The following GALNT17 variants were observed in gnomAD, a reference collection of about 807,000 sequenced individuals.
GALNT17 encodes the protein UDP-GalNAc:polypeptide N-acetylgalactosaminyltransferase-like 3.
Under a neutral mutation model 63.7 loss-of-function variants are expected in GALNT17, and 29 were observed. The ratio of observed to expected loss-of-function variants is 0.46; its 90% confidence interval spans 0.34 to 0.62. GALNT17 has a LOEUF of 0.62. GALNT17 is among the 20% of genes least tolerant of loss of function. GALNT17 has a pLI of 0.01. For missense variants in GALNT17, 603 were observed against 799.6 expected (o/e 0.75, Z 2.97); for synonymous variants, 305 against 318.3 (o/e 0.96, Z 0.45).
Position 71,665,486 on chromosome 7 carries a change from T to G in GALNT17, c.1156T>G (p.Tyr386Asp). The change falls in exon 7 of 11, where the codon TAT becomes GAT. Residue 386 changes from tyrosine to aspartate, a missense_variant. Transcript: ENST00000333538. ...VAHIERKKKPYNSNIGFYTKR... is the reference protein window; with the variant it reads ...VAHIERKKKPDNSNIGFYTKR... ...CCACATTGAGCGGAAGAAGAAGCCA[T>G]ATAATAGCAACATTGGCTTCTACAC... 6.2e-7 allele frequency: 1 copy of G among 1,613,644 alleles called. No homozygotes were observed. The highest frequency in any genetic ancestry group is 8.5e-7 in the Non-Finnish European group (1 of 1,179,948).
intron 1 of GALNT17, chr7:71,284,601 G>A (rs568674754): frequency 6.6e-6 from 1 of 152,166 alleles, no homozygotes; most frequent in South Asian, 2.1e-4. Flanking sequence ...CGCCATGATT[G>A]TAAGTTTCCT....
intron 2 of GALNT17, among the ~76,000 whole-genome samples, chr7:71,381,334 A>G (rs2116319059): frequency 1.3e-5 from 2 of 152,232 alleles, no homozygotes; most frequent in South Asian, 4.2e-4. Flanking sequence ...TGTGGACCAC[A>G]TGTGGAAATT....
At chr7:71,174,815 T>C (rs1002241339) in intron 1 of GALNT17, among the ~76,000 whole-genome samples, 3 of 152,218 alleles carry the variant, frequency 2.0e-5, no homozygotes, top group Admixed American at 1.3e-4. Context: ...TCAGGCGATC[T>C]GGATGTAGAC....
chr7:71,159,521 T>A (rs1788300907), intron 1 of GALNT17, among the ~76,000 whole-genome samples: 1 of 151,044 alleles, frequency 6.6e-6, no homozygotes, highest in African/African-American at 2.5e-5. Context: ...TCACTCACAA[T>A]GTCATCAATT....
intron 1 of GALNT17, among the ~76,000 whole-genome samples, chr7:71,307,453 C>A (rs1791325991): frequency 6.6e-6 from 1 of 151,920 alleles, no homozygotes; most frequent in Non-Finnish European, 1.5e-5. Flanking sequence ...CCACTTTCTG[C>A]CATGAGAGAG....
intron 6 of GALNT17, among the ~76,000 whole-genome samples, chr7:71,601,237 G>A (rs1002658761): frequency 2.6e-5 from 4 of 151,956 alleles, no homozygotes; most frequent in South Asian, 2.1e-4. Context: ...TTGTGCTGCC[G>A]TAAACATGCA....
At chr7:71,542,389 T>C (rs6973852) in intron 5 of GALNT17, among the ~76,000 whole-genome samples, 85,345 of 151,698 alleles carry the variant, frequency 0.56, 25,561 homozygotes, top group Non-Finnish European at 0.66. Flanking sequence ...TTTCTGCAAC[T>C]CTAGGAGAAG....
intron 6 of GALNT17, among the ~76,000 whole-genome samples, chr7:71,620,014 A>G (rs1263489248): frequency 6.6e-6 from 1 of 152,112 alleles, no homozygotes; most frequent in Non-Finnish European, 1.5e-5. Context: ...GTTGGATTTT[A>G]TTGAAAACCT....
chr7:71,693,225 T>G (rs1791483345), intron 9 of GALNT17, among the ~76,000 whole-genome samples: 1 of 147,226 alleles, frequency 6.8e-6, no homozygotes, highest in African/African-American at 2.5e-5. Context: ...CTACAATACA[T>G]GTATACATAT....
chr7:71,375,042 G>A (rs543923168), intron 2 of GALNT17, among the ~76,000 whole-genome samples: 1 of 152,028 alleles, frequency 6.6e-6, no homozygotes, highest in Non-Finnish European at 1.5e-5. Flanking sequence ...GTTTCACCAT[G>A]TTGGCCAGGC....
chr7:71,529,189 G>A (rs1343521071), intron 5 of GALNT17, among the ~76,000 whole-genome samples: 2 of 151,776 alleles, frequency 1.3e-5, no homozygotes, highest in Admixed American at 1.3e-4. Context: ...CCAAGCTGAA[G>A]GTCAGTAGGA....
chr7:71,408,832 C>A (rs940000059), intron 3 of GALNT17, among the ~76,000 whole-genome samples: 1 of 151,982 alleles, frequency 6.6e-6, no homozygotes. Flanking sequence ...GTGATTGCAC[C>A]ACTTCACTCC....
intron 1 of GALNT17, among the ~76,000 whole-genome samples, chr7:71,154,316 AG>A (rs1788190764): frequency 6.6e-6 from 1 of 152,164 alleles, no homozygotes; most frequent in Non-Finnish European, 1.5e-5. Flanking sequence ...TGAGTGAGCA[AG>A]CCTCACTCCA....
chr7:71,597,329 G>A (rs576283882), intron 6 of GALNT17, among the ~76,000 whole-genome samples: 4 of 152,078 alleles, frequency 2.6e-5, no homozygotes, highest in South Asian at 4.2e-4. Context: ...GTGAGCCACC[G>A]TGCCCGGCCT....
intron 5 of GALNT17, among the ~76,000 whole-genome samples, chr7:71,444,472 A>G (rs4415208): frequency 0.95 from 145,215 of 152,198 alleles, 69,280 homozygotes; most frequent in Admixed American, 0.96. Context: ...TGACACACCC[A>G]CCGTGGAAAA....
chr7:71,179,823 T>C (rs898576930), intron 1 of GALNT17, among the ~76,000 whole-genome samples: 2 of 152,220 alleles, frequency 1.3e-5, no homozygotes, highest in African/African-American at 4.8e-5. Flanking sequence ...CAGTTGTCTT[T>C]CAAGGATACT....
chr7:71,410,894 C>A (rs997507180), intron 3 of GALNT17, among the ~76,000 whole-genome samples: 1 of 152,164 alleles, frequency 6.6e-6, no homozygotes, highest in Admixed American at 6.5e-5. Context: ...TTAAAAAACA[C>A]AATGGTTCCC....
chr7:71,410,648 A>C (rs571962050), intron 3 of GALNT17, among the ~76,000 whole-genome samples: 1 of 152,350 alleles, frequency 6.6e-6, no homozygotes, highest in East Asian at 1.9e-4. Flanking sequence ...CCGATAGTTT[A>C]TTCTGTCATA....
chr7:71,516,613 C>T (rs1788449128), intron 5 of GALNT17, among the ~76,000 whole-genome samples: 1 of 152,166 alleles, frequency 6.6e-6, no homozygotes, highest in South Asian at 2.1e-4. Flanking sequence ...TTGTGCTCTG[C>T]AGGTGTATAG....
Sources: gnomAD v4.1 joint callset for allele counts (sites outside exome capture counted in the v4.1 genomes callset) on GRCh38, gnomAD v4.1.1 for gene constraint, MANE v1.5 for transcripts, NCBI Gene and HGNC (gene_info 2026-07-23, HGNC 2026-07-21) for gene names.